The following CHEK2 variants were observed in gnomAD, a reference collection of about 807,000 sequenced individuals.
The protein encoded by CHEK2 is serine/threonine-protein kinase Chk2.
CHEK2 carries 71 observed loss-of-function variants against 69.1 expected under a neutral mutation model. The observed-to-expected ratio is 1.03, with a 90% CI of 0.85 to 1.25. CHEK2 has a LOEUF of 1.25. CHEK2 is among the 50% of genes most tolerant of loss of function. The pLI is 0.00. For missense variants in CHEK2, 664 were observed against 649.6 expected, an observed-to-expected ratio of 1.02 and a Z score of -0.24; for synonymous variants, 189 against 226.9, an observed-to-expected ratio of 0.83 and a Z score of 1.50.
At chr22:28,741,094 G>C (rs17883164) in intron 1 of CHEK2, among the ~76,000 whole-genome samples, 14 of 141,110 alleles carry the variant, frequency 9.9e-5, no homozygotes, top group African/African-American at 3.7e-4. Flanking sequence ...AAGTTGCAGT[G>C]AGCCCAGATC....
chr22:28,724,794 G>A, intron 4 of CHEK2, 183 bp downstream of exon 4: 1 of 680,842 alleles, frequency 1.5e-6, no homozygotes, highest in East Asian at 3.0e-5. Context: ...TCGAACTCCT[G>A]ACCTCAGGTG....
intron 8 of CHEK2, among the ~76,000 whole-genome samples, chr22:28,702,441 T>G (rs898264118): frequency 6.6e-6 from 1 of 151,638 alleles, no homozygotes. Context: ...GGTTTCACCG[T>G]GTTAGCCAGG....
chr22:28,701,249 T>C (rs2052834100), intron 8 of CHEK2, among the ~76,000 whole-genome samples: 1 of 151,986 alleles, frequency 6.6e-6, no homozygotes, highest in Non-Finnish European at 1.5e-5. Flanking sequence ...TTTTCTTATG[T>C]TTTTTGAGAC....
intron 2 of CHEK2, among the ~76,000 whole-genome samples, chr22:28,727,570 A>T (rs1050167681): frequency 6.6e-6 from 1 of 152,204 alleles, no homozygotes; most frequent in Non-Finnish European, 1.5e-5. Flanking sequence ...TTAAATGTTC[A>T]TTGCAAGGCA....
chr22:28,724,544 G>C (rs1274277078), intron 4 of CHEK2: 3 of 254,302 alleles, frequency 1.2e-5, no homozygotes, highest in African/African-American at 6.7e-5. Context: ...CGGCAAAGTT[G>C]AATCTTGAGT....
chr22:28,723,271 A>G (rs1601817170), intron 4 of CHEK2, among the ~76,000 whole-genome samples: 1 of 152,326 alleles, frequency 6.6e-6, no homozygotes, highest in East Asian at 1.9e-4. Context: ...AGCCTCTTAC[A>G]GAAGCACTCA....
At chr22:28,734,140 T>C (rs532510051) in intron 2 of CHEK2, among the ~76,000 whole-genome samples, 4 of 152,226 alleles carry the variant, frequency 2.6e-5, no homozygotes, top group African/African-American at 9.6e-5. Context: ...TAGAGGGTAC[T>C]TGAACCCCAG....
chr22:28,724,231 C>T (rs1284096157), intron 4 of CHEK2, among the ~76,000 whole-genome samples: 1 of 151,956 alleles, frequency 6.6e-6, no homozygotes, highest in African/African-American at 2.4e-5. Flanking sequence ...CACAGTGAAA[C>T]CCCGTCTCTA....
chr22:28,707,905 C>T (rs1451149408), intron 7 of CHEK2, among the ~76,000 whole-genome samples: 1 of 140,338 alleles, frequency 7.1e-6, no homozygotes, highest in Non-Finnish European at 1.5e-5. Context: ...GGCACAATCT[C>T]GGCTCACTGC....
At chr22:28,729,310 G>A (rs759269501) in intron 2 of CHEK2, 13 of 233,058 alleles carry the variant, frequency 5.6e-5, no homozygotes, top group South Asian at 2.4e-4. Flanking sequence ...TTGGGAGGCC[G>A]AGGCGGGCGA....
chr22:28,719,341 A>G, intron 5 of CHEK2, 54 bp downstream of exon 5: 1 of 939,180 alleles, frequency 1.1e-6, no homozygotes, highest in Non-Finnish European at 1.6e-6. Context: ...GAAACCACCA[A>G]TCACAAATGT....
rs1569158640 is a variant in CHEK2, at chr22:28,725,285, ATC to A, written c.400_401del (p.Asp134Ter). The A allele has an allele frequency of 6.2e-7, 1 of 1,614,092 alleles. No individual in the cohort carries two copies. The highest frequency in any genetic ancestry group is 1.1e-5 in the South Asian group (1 of 91,088). ...CFDEPLLKRT[D>X]KYRTYSKKHF... The stretch of plus-strand genomic sequence containing the variant: ...GTTTCTTGCTGTATGTTCGGTATTT[ATC>A]TGTTCTTTTCAGCAGTGGTTCATCA... On this transcript the variant is annotated frameshift_variant, in exon 3 of 15. Coordinates refer to ENST00000404276, the MANE Select transcript of CHEK2 (RefSeq NM_007194.4). LOFTEE classifies it high-confidence loss of function.
intron 2 of CHEK2, 54 bp downstream of exon 2, chr22:28,734,349 T>C (rs1192036862): frequency 1.3e-6 from 2 of 1,568,274 alleles, no homozygotes; most frequent in Admixed American, 1.7e-5. Context: ...TAATACAACT[T>C]TCTGTAAGTG....
intron 7 of CHEK2, among the ~76,000 whole-genome samples, chr22:28,705,133 C>T (rs529579753): frequency 6.8e-5 from 10 of 147,832 alleles, no homozygotes; most frequent in Non-Finnish European, 1.0e-4. Flanking sequence ...GGCTGGAGTG[C>T]GGTGGCGAGA....
chr22:28,688,177 A>G (rs1366015152), intron 14 of CHEK2, among the ~76,000 whole-genome samples, 191 bp from the exon 15 acceptor site: 1 of 152,158 alleles, frequency 6.6e-6, no homozygotes, highest in African/African-American at 2.4e-5. Context: ...TGCTTATCTA[A>G]TAGATATTTC....
intron 4 of CHEK2, among the ~76,000 whole-genome samples, chr22:28,723,350 G>A (rs2053865708): frequency 6.6e-6 from 1 of 152,180 alleles, no homozygotes; most frequent in Non-Finnish European, 1.5e-5. Flanking sequence ...TGTAATCCCA[G>A]CACTTTGGGA....
rs115463100 is a variant in CHEK2, at chr22:28,714,175, C to T, written c.684-2158G>A. ...CAGTGGCTACATCATTTTACATTCC[C>T]GTTAGCAGTGCATGGGGGTTCCAAT... On this transcript the variant is annotated intron_variant, in intron 5 of 14. Transcript: ENST00000404276. Among the ~76,000 whole-genome samples, 661 of 152,290 alleles carry T rather than the reference C, an allele frequency of 4.3e-3. 4 individuals carry two copies. The highest frequency in any genetic ancestry group is 0.014 in the African/African-American group (580 of 41,568).
chr22:28,707,951 C>T (rs1439449925), intron 7 of CHEK2, among the ~76,000 whole-genome samples: 3 of 151,504 alleles, frequency 2.0e-5, no homozygotes, highest in Admixed American at 1.3e-4. Context: ...ATTCTCCTGC[C>T]TCAGCCTCTC....
chr22:28,698,925 A>G (rs562914790), intron 9 of CHEK2, among the ~76,000 whole-genome samples: 1 of 152,174 alleles, frequency 6.6e-6, no homozygotes, highest in African/African-American at 2.4e-5. Context: ...GACTTCTACA[A>G]GGATCAAGCA....
Sources: allele counts gnomAD v4.1 joint callset (sites outside exome capture counted in the v4.1 genomes callset), GRCh38; gene constraint gnomAD v4.1.1; transcripts MANE v1.5; gene names NCBI Gene and HGNC (gene_info 2026-07-23, HGNC 2026-07-21).